KDM6B: variants seen among roughly 807,000 people sequenced by gnomAD.
The protein encoded by KDM6B is lysine-specific demethylase 6B.
Under a neutral mutation model 150.4 loss-of-function variants are expected in KDM6B, and 22 were observed. The ratio of observed to expected loss-of-function variants is 0.15; its 90% CI spans 0.10 to 0.21. KDM6B has a LOEUF of 0.21. Ranked by LOEUF, KDM6B falls within the 10% of genes least tolerant of loss-of-function variation. KDM6B has a pLI of 1.00. For synonymous variants in KDM6B, 1,148 were observed against 921.1 expected, an observed-to-expected ratio of 1.25 and a Z score of -4.46; for missense variants, 1,984 against 2,234.3, an observed-to-expected ratio of 0.89 and a Z score of 2.26.
chr17:7,852,445 G>A (rs764212013), intron 20 of KDM6B, 50 bp from the exon 21 acceptor site: 3 of 1,290,354 alleles, frequency 2.3e-6, no homozygotes, highest in African/African-American at 2.8e-5. Context: ...TTGGGCCTAG[G>A]TGTCTGGGGG....
intron 1 of KDM6B, among the ~76,000 whole-genome samples, chr17:7,835,236 G>A (rs146204433): frequency 8.7e-4 from 132 of 152,258 alleles, no homozygotes; most frequent in Middle Eastern, 3.4e-3. Flanking sequence ...GGTAAATAGT[G>A]GGGAGGGGGG....
At position 7,849,154 on chromosome 17, in the gene KDM6B, G is replaced by T; in HGVS notation, c.2866G>T (p.Ala956Ser). Reference sequence around the variant, plus strand: ...TGGGACTGAGCGACTGCTGCCCCCCGCACAGGCCAAGGAGGAGGCTGGCGG... The same window carrying T: ...TGGGACTGAGCGACTGCTGCCCCCCTCACAGGCCAAGGAGGAGGCTGGCGG... ...DSGTERLLPP[A>S]QAKEEAGGVA... Residue 956 changes from alanine (A) to serine (S), a missense_variant, in exon 12 of 24, where the codon GCA becomes TCA. Physicochemically the swap from Ala to Ser is moderately conservative, Grantham distance 99. Around this residue, in one of 13 missense-constraint regions of KDM6B, gnomAD observed 1,379 missense variants for 1,275.6 expected, o/e 1.08. Coordinates refer to ENST00000448097, the MANE Select transcript of KDM6B (RefSeq NM_001348716.2). The T allele has an allele frequency of 6.2e-7, 1 of 1,611,268 alleles. No homozygotes were observed. Among genetic ancestry groups the T allele is most frequent in the Non-Finnish European group, 8.5e-7 (1 of 1,179,318 alleles).
rs1043682729 is a variant in KDM6B, at chr17:7,846,586, G to A, written c.557G>A (p.Arg186Gln). 1.2e-6 allele frequency: 2 copies of A among 1,613,962 alleles called. No homozygotes were observed. The highest frequency in any genetic ancestry group is 1.3e-5 in the African/African-American group (1 of 74,890). Residue 186 changes from arginine (R) to glutamine (Q), a missense_variant, in exon 9 of 24, where the codon CGG becomes CAG. Arg to Gln is a conservative substitution (Grantham distance 43, BLOSUM62 1). Coordinates refer to ENST00000448097, the MANE Select transcript of KDM6B (RefSeq NM_001348716.2). ...VWNLLHLEHK[R>Q]NYGAKRGGPP... ...CTCTCTTTTTGTTCTCAGCACAAAC[G>A]GAACTATGGAGCCAAGCGGGGAGGT...
In KDM6B at chr17:7,853,964, T is replaced by TC. The variant is rs1488286691; in HGVS notation, c.*448dup. ...AGATTCTTTCTATGGGCTTTACCCC[T>TC]CCCCCGGAACCTCCTTTTTTACTTC... is the stretch of plus-strand genomic sequence containing the variant. On this transcript the variant is annotated 3_prime_UTR_variant, in exon 24 of 24. Transcript: ENST00000448097. The TC allele has an allele frequency of 1.3e-5, 2 of 156,582 alleles. No individual in the cohort carries two copies. The highest frequency in any genetic ancestry group is 2.8e-5 in the Non-Finnish European group (2 of 70,876). 9.7% of individuals were successfully genotyped at this position (156,582 alleles called of 1,614,324 possible). A position where few individuals can be genotyped will look rare whatever the true frequency, so the allele number is the denominator to read the frequency against.
Position 7,851,967 on chromosome 17 carries a change from C to T in KDM6B, c.4182C>T (p.Asn1394=). ...CCCCTGCAGGCCACCAGGAGAATAA[C>T]AACTTCTGCTCCGTCAACATCAACA... ...GSRTPGHQEN[N]NFCSVNINIG... is the part of the protein sequence containing the mutation. The change falls in exon 19 of 24, where the codon AAC becomes AAT. Residue 1394 remains asparagine, a synonymous_variant. Coordinates refer to ENST00000448097, the MANE Select transcript of KDM6B (RefSeq NM_001348716.2). The T allele has an allele frequency of 1.2e-6, 2 of 1,613,946 alleles. No individual in the cohort carries two copies. The highest frequency in any genetic ancestry group is 1.7e-6 in the Non-Finnish European group (2 of 1,179,996).
chr17:7,836,728 C>T (rs907342699), intron 1 of KDM6B, among the ~76,000 whole-genome samples: 2 of 152,234 alleles, frequency 1.3e-5, no homozygotes, highest in Non-Finnish European at 2.9e-5. Context: ...ATAAGGACGC[C>T]TGGGTTTCTT....
At position 7,847,300 on chromosome 17, in the gene KDM6B, C is replaced by T. The variant is rs763288002; in HGVS notation, c.1105C>T (p.Arg369Trp). The T allele has an allele frequency of 2.8e-5, 45 of 1,606,436 alleles. No homozygotes were observed. The highest frequency in any genetic ancestry group is 4.4e-5 in the South Asian group (4 of 91,088). ...DLRESRVQRS[R>W]MDSSVSPAAT... ...TAGAGAGAGCAGAGTTCAGAGGTCG[C>T]GGATGGACTCCAGCGTTTCACCAGC... The change falls in exon 11 of 24, where the codon CGG (arginine) becomes TGG (tryptophan). Residue 369 changes from arginine (R) to tryptophan (W), a missense_variant. Physicochemically the swap from Arg to Trp is moderately radical, Grantham distance 101. Around this residue, in one of 13 missense-constraint regions of KDM6B, gnomAD observed 1,379 missense variants for 1,275.6 expected, o/e 1.08. Coordinates refer to ENST00000448097, the MANE Select transcript of KDM6B (RefSeq NM_001348716.2).
In KDM6B at chr17:7,844,830, ACCGGCTC is replaced by A. The variant is rs2151374800; in HGVS notation, c.-268-67_-268-61del. On this transcript the variant is annotated intron_variant, in intron 2 of 23. Transcript: ENST00000448097. This position sits in a 1 kb window ranked among gnomAD's most constrained non-coding sequence, Gnocchi z 5.9. ...GGTCACCCCGGGCTGAGCTCGTCTG[ACCGGCTC>A]CCGCGCCCCTCCTCCCCCGGCCACC... The A allele has an allele frequency of 6.3e-6, 1 of 158,084 alleles. No individual in the cohort carries two copies. Among genetic ancestry groups the A allele is most frequent in the Non-Finnish European group, 1.4e-5 (1 of 70,832 alleles). The allele number at this position is 158,084 out of a possible 1,614,324, so 9.8% of individuals were successfully genotyped here.
At position 7,852,335 on chromosome 17, in the gene KDM6B, C is replaced by G; in HGVS notation, c.4467C>G (p.Thr1489=). 1 of 1,612,266 alleles carries G rather than the reference C, an allele frequency of 6.2e-7. No individual in the cohort carries two copies. Among genetic ancestry groups the G allele is most frequent in the Non-Finnish European group, 8.5e-7 (1 of 1,179,698 alleles). The part of the protein sequence containing the change: ...NNIAWNVGPL[T]AYQYQLALER... Reference sequence around the variant, plus strand: ...TTGCCTGGAACGTGGGGCCCCTCACCGGTGAGAGGGTGGGGCAGGTGTTGG... The same window carrying G: ...TTGCCTGGAACGTGGGGCCCCTCACGGGTGAGAGGGTGGGGCAGGTGTTGG... Residue 1489 remains threonine (T), a splice_region_variant and synonymous_variant, in exon 20 of 24, where the codon ACC becomes ACG. Transcript: ENST00000448097.
rs776744149 is a variant in KDM6B at position 7,849,039 on chromosome 17, C to T, written c.2751C>T (p.Ile917=). 5.0e-6 allele frequency: 8 copies of T among 1,586,486 alleles called. No individual in the cohort carries two copies. The highest frequency in any genetic ancestry group is 6.9e-6 in the Non-Finnish European group (8 of 1,164,138). ...ARSESEVLEE[I]SRACETLVER... The stretch of plus-strand genomic sequence containing the variant: ...CTGAGTCTGAGGTGCTAGAAGAGAT[C>T]AGCCGGGCTTGCGAGACCCTTGTGG... Residue 917 remains isoleucine, a synonymous_variant, in exon 12 of 24, where the codon ATC becomes ATT. Coordinates refer to ENST00000448097, the MANE Select transcript of KDM6B (RefSeq NM_001348716.2).
intron 1 of KDM6B, among the ~76,000 whole-genome samples, chr17:7,835,433 G>T (rs1291639562): frequency 1.3e-5 from 2 of 151,996 alleles, no homozygotes; most frequent in African/African-American, 4.8e-5. Context: ...GCTGCGCCGC[G>T]ACCGAAGGGG....
At chr17:7,845,822 G>T (rs1174283728) in intron 5 of KDM6B, 50 bp from the exon 6 acceptor site, 28 of 1,593,658 alleles carry the variant, frequency 1.8e-5, no homozygotes, top group Non-Finnish European at 2.3e-5. Context: ...GCCTAGGTAG[G>T]ACAAGACTGC....
In KDM6B at chr17:7,847,785, G is replaced by A. The variant is rs2151377094; in HGVS notation, c.1497G>A (p.Glu499=). ...GCCGGGCAGCCCGAGAGGATGGAGA[G>A]ATCTTAGAAGAGCTCTTCTTTGGGA... ...PACRAAREDG[E]ILEELFFGTE... Residue 499 remains glutamate, a synonymous_variant, in exon 12 of 24, where the codon GAG becomes GAA. Coordinates refer to ENST00000448097, the MANE Select transcript of KDM6B (RefSeq NM_001348716.2). 6.4e-7 allele frequency: 1 copy of A among 1,553,420 alleles called. No homozygotes were observed. Among genetic ancestry groups the A allele is most frequent in the Non-Finnish European group, 8.7e-7 (1 of 1,149,396 alleles).
At chr17:7,839,194 C>T (rs182686310) in intron 1 of KDM6B, among the ~76,000 whole-genome samples, 2 of 152,298 alleles carry the variant, frequency 1.3e-5, no homozygotes, top group Admixed American at 1.3e-4. Context: ...GCTAAAAGAC[C>T]TAGCTTCTTG....
intron 1 of KDM6B, among the ~76,000 whole-genome samples, chr17:7,836,431 G>A (rs1317429746): frequency 6.6e-6 from 1 of 152,228 alleles, no homozygotes; most frequent in Non-Finnish European, 1.5e-5. Flanking sequence ...CGCGGGGAGG[G>A]GCGGGAGAGT....
At chr17:7,852,949 C>T in intron 21 of KDM6B, 51 bp from the exon 22 acceptor site, 1 of 1,612,520 alleles carries the variant, frequency 6.2e-7, no homozygotes, top group Non-Finnish European at 8.5e-7. Flanking sequence ...CCAGCCCTGC[C>T]TCAGGCCTCC....
At position 7,848,682 on chromosome 17, in the gene KDM6B, C is replaced by A. The variant is rs754562945; in HGVS notation, c.2394C>A (p.Pro798=). Residue 798 remains proline (P), a synonymous_variant, in exon 12 of 24, where the codon CCC becomes CCA. Coordinates refer to ENST00000448097, the MANE Select transcript of KDM6B (RefSeq NM_001348716.2). ...CACAGCCACCACCACCCCCACCCCC[C>A]AGCCCGGCCAGCCTGCTCAAATCCT... ...SQPQPPPPPP[P]SPASLLKSLA... is the part of the protein sequence containing the mutation. 1.1e-5 allele frequency: 17 copies of A among 1,611,426 alleles called. No individual in the cohort carries two copies. In the Admixed American group the frequency reaches 1.3e-4, roughly 13 times the overall value.
intron 1 of KDM6B, among the ~76,000 whole-genome samples, chr17:7,838,161 C>T (rs371747668): frequency 1.7e-5 from 2 of 119,680 alleles, no homozygotes; most frequent in Non-Finnish European, 3.3e-5. Context: ...CACAGTTTCT[C>T]TAGTGGGGAC....
Position 7,851,487 on chromosome 17 carries a change from A to G in KDM6B, c.3954A>G (p.Pro1318=), listed in dbSNP as rs1231337152. The change falls in exon 17 of 24, where the codon CCA becomes CCG. Residue 1318 remains proline (P), a synonymous_variant. Coordinates refer to ENST00000448097, the MANE Select transcript of KDM6B (RefSeq NM_001348716.2). ...STTGTPPSSA[P]DPKNHHIIKF... is the part of the protein sequence containing the mutation. ...CTCTTCGCCCCAGCAGCAGCGCACCAGACCCGAAGAACCATCACATCATCA... is the reference window on the plus strand; with the variant it reads ...CTCTTCGCCCCAGCAGCAGCGCACCGGACCCGAAGAACCATCACATCATCA... 12 of 1,614,186 alleles carry G rather than the reference A, an allele frequency of 7.4e-6. No homozygotes were observed. The highest frequency in any genetic ancestry group is 1.0e-5 in the Non-Finnish European group (12 of 1,180,030).
Sources: gnomAD v4.1 joint callset for allele counts (sites outside exome capture counted in the v4.1 genomes callset) on GRCh38, gnomAD v4.1.1 for gene constraint, gnomAD v4.1.1 regional missense constraint, Gnocchi (gnomAD v3.1) non-coding constraint, MANE v1.5 for transcripts, NCBI Gene and HGNC (gene_info 2026-07-23, HGNC 2026-07-21) for gene names.